Variants in GAB4 observed in about 807,000 individuals in gnomAD.
GAB4 encodes the protein GRB2-associated-binding protein 4.
A neutral mutation model predicts 51.3 loss-of-function variants in GAB4; 26 were observed. That is an observed-to-expected ratio of 0.51 (90% confidence interval 0.37 to 0.70). The LOEUF (loss-of-function observed/expected upper bound fraction) is 0.70, where lower values mean the gene tolerates loss of function less well. Among genes scored for constraint, GAB4 ranks in the 30% least tolerant of loss-of-function variants. The pLI, the probability that GAB4 is intolerant of heterozygous loss-of-function variation, is 0.00. For synonymous variants in GAB4, 329 were observed against 291.2 expected (o/e 1.13, Z -1.32); for missense variants, 759 against 734.6 (o/e 1.03, Z -0.38).
At chr22:16,966,538 C>T (rs1022620628) in intron 5 of GAB4, 174 bp from the exon 6 acceptor site, 5 of 680,174 alleles carry the variant, frequency 7.4e-6, no homozygotes, top group African/African-American at 1.8e-5. Context: ...GATAGAAGTG[C>T]CCCAGCCAGG....
Position 16,962,849 on chromosome 22 carries a change from T to G in GAB4, c.1609A>C (p.Lys537Gln), listed in dbSNP as rs770624257. ...KPSIGSVTSG[K>Q]KVDYVQVDLE... ...TCCACCTGGACATAGTCCACCTTCTTGCCGGACGTGACAGAGCCTATGGAT... is the reference window on the plus strand; with the variant it reads ...TCCACCTGGACATAGTCCACCTTCTGGCCGGACGTGACAGAGCCTATGGAT... Residue 537 changes from lysine to glutamine, a missense_variant, in exon 10 of 10, where the codon AAG becomes CAG. Transcript: ENST00000400588. The G allele has an allele frequency of 6.2e-7, 1 of 1,613,408 alleles. No homozygotes were observed. The highest frequency in any genetic ancestry group is 1.7e-5 in the Admixed American group (1 of 60,002).
chr22:16,970,596 G>A (rs528457312), intron 3 of GAB4, among the ~76,000 whole-genome samples: 14 of 152,168 alleles, frequency 9.2e-5, no homozygotes, highest in Admixed American at 2.0e-4. Flanking sequence ...CCTGCTGTGA[G>A]CATTGCAGAA....
At chr22:16,968,243 T>A in intron 5 of GAB4, 55 bp downstream of exon 5, 1 of 1,186,998 alleles carries the variant, frequency 8.4e-7, no homozygotes, top group East Asian at 2.3e-5. Context: ...TTCCATGGAG[T>A]GTGACCTTTA....
intron 1 of GAB4, among the ~76,000 whole-genome samples, chr22:17,007,448 C>A (rs1235424080): frequency 6.7e-6 from 1 of 149,832 alleles, no homozygotes; most frequent in East Asian, 2.0e-4. Context: ...GAGGTGCCCG[C>A]GTTTTCCTGG....
chr22:16,966,143 G>A lies in GAB4; in HGVS notation c.1245C>T (p.Val415=). Residue 415 remains valine, a synonymous_variant, in exon 6 of 10, where the codon GTC becomes GTT. Coordinates refer to ENST00000400588, the MANE Select transcript of GAB4 (RefSeq NM_001037814.1). ...GGCTGCGGTTGACAGGGGGCAGCTG[G>A]ACCTCATGTCCCTGGCTGAGGTCTT... The part of the protein sequence containing the change: ...MHQDLSQGHE[V]QLPPVNRSLK... The A allele has an allele frequency of 6.2e-7, 1 of 1,614,078 alleles. No individual in the cohort carries two copies. Among genetic ancestry groups the A allele is most frequent in the Non-Finnish European group, 8.5e-7 (1 of 1,180,000 alleles).
intron 3 of GAB4, among the ~76,000 whole-genome samples, chr22:16,975,000 G>A (rs2123668094): frequency 6.6e-6 from 1 of 152,286 alleles, no homozygotes; most frequent in Non-Finnish European, 1.5e-5. Flanking sequence ...TTTTCCTATG[G>A]TCTTCACAAC....
Position 17,008,036 on chromosome 22 carries a change from C to T in GAB4, c.79G>A (p.Gly27Arg), listed in dbSNP as rs751493980. Reference sequence around the variant, plus strand: ...GTGCTTCCGCCGGCGGGGCCACTTCCGGGCCACGAAGACAAAGGCGCAAAT... The same window carrying T: ...GTGCTTCCGCCGGCGGGGCCACTTCTGGGCCACGAAGACAAAGGCGCAAAT... The part of the protein sequence containing the change: ...PAFAPLSSWP[G>R]SGPAGGSTRS... The change falls in exon 1 of 10, where the codon GGA becomes AGA. Residue 27 changes from glycine (G) to arginine (R), a missense_variant. Physicochemically the swap from Gly to Arg is moderately radical, Grantham distance 125. Coordinates refer to ENST00000400588, the MANE Select transcript of GAB4 (RefSeq NM_001037814.1). 1 of 1,608,878 alleles carries T rather than the reference C, an allele frequency of 6.2e-7. No homozygotes were observed. Among genetic ancestry groups the T allele is most frequent in the South Asian group, 1.1e-5 (1 of 89,980 alleles).
chr22:16,972,843 C>CCAGCTTAAA (rs1452974156), intron 3 of GAB4, among the ~76,000 whole-genome samples: 1 of 152,184 alleles, frequency 6.6e-6, no homozygotes, highest in Non-Finnish European at 1.5e-5. Flanking sequence ...TCCTAACCTC[C>CCAGCTTAAA]CAGCTTAAAC....
At position 17,007,994 on chromosome 22, in the gene GAB4, GCACGTGGC is replaced by G; in HGVS notation, c.113_120del (p.Gly38AlafsTer33). 6.2e-7 allele frequency: 1 copy of G among 1,612,788 alleles called. No individual in the cohort carries two copies. The highest frequency in any genetic ancestry group is 8.5e-7 in the Non-Finnish European group (1 of 1,179,628). On this transcript the variant is annotated frameshift_variant, in exon 1 of 10. Coordinates refer to ENST00000400588, the MANE Select transcript of GAB4 (RefSeq NM_001037814.1). LOFTEE classifies it high-confidence loss of function. ...GACTTCCTCAGCCAGCCGCTGTACA[GCACGTGGC>G]CACTTCTCGTGCTTCCGCCGGCGGG...
In GAB4 at chr22:16,968,295, C is replaced by G. The variant is rs887158961; in HGVS notation, c.1023+3G>C. The stretch of plus-strand genomic sequence containing the variant: ...TGGGGACCCCTGGTTAAGCCATACT[C>G]ACCAGGAAAGAACAGACTCCCTCAT... On this transcript the variant is annotated splice_donor_region_variant and intron_variant, in intron 5 of 9. Coordinates refer to ENST00000400588, the MANE Select transcript of GAB4 (RefSeq NM_001037814.1). 1 of 1,609,456 alleles carries G rather than the reference C, an allele frequency of 6.2e-7. No homozygotes were observed. Among genetic ancestry groups the G allele is most frequent in the Middle Eastern group, 1.7e-4 (1 of 6,056 alleles).
chr22:16,962,675 T>G lies in GAB4; in HGVS notation c.*58A>C. On this transcript the variant is annotated 3_prime_UTR_variant, in exon 10 of 10. Transcript: ENST00000400588. ...TCCCTGATATTACAGAGCTTTAGAG[T>G]GTGGCGGAGCAGCTCTGAGGCACTG... The G allele has an allele frequency of 4.7e-6, 7 of 1,501,720 alleles. No individual in the cohort carries two copies. Among genetic ancestry groups the G allele is most frequent in the Non-Finnish European group, 6.3e-6 (7 of 1,103,334 alleles). The allele number at this position is 1,501,720 out of a possible 1,614,324, so 93.0% of individuals were successfully genotyped here.
chr22:16,967,455 G>T (rs1471054206), intron 5 of GAB4: 1 of 152,408 alleles, frequency 6.6e-6, no homozygotes, highest in Admixed American at 6.5e-5. Flanking sequence ...CCTGATCAAG[G>T]CAAGGATCAC....
intron 3 of GAB4, among the ~76,000 whole-genome samples, chr22:16,971,824 G>C (rs1044127235): frequency 6.6e-6 from 1 of 152,200 alleles, no homozygotes; most frequent in Non-Finnish European, 1.5e-5. Flanking sequence ...GGAAGCAGGT[G>C]TGCAGGCCAG....
intron 3 of GAB4, among the ~76,000 whole-genome samples, chr22:16,981,025 G>A (rs1190889212): frequency 1.3e-5 from 2 of 152,074 alleles, no homozygotes; most frequent in African/African-American, 2.4e-5. Flanking sequence ...GGAGATAGGG[G>A]AGGGATAGCA....
intron 1 of GAB4, among the ~76,000 whole-genome samples, chr22:17,003,237 T>G (rs1601293860): frequency 6.6e-6 from 1 of 152,150 alleles, no homozygotes; most frequent in East Asian, 1.9e-4. Context: ...AGTGGGAGAC[T>G]TTAACACCCC....
At chr22:17,003,689 G>C (rs185136412) in intron 1 of GAB4, among the ~76,000 whole-genome samples, 1 of 152,122 alleles carries the variant, frequency 6.6e-6, no homozygotes, top group African/African-American at 2.4e-5. Flanking sequence ...AGTGTTTAGA[G>C]GGAAATGTAT....
At position 16,968,278 on chromosome 22, in the gene GAB4, C is replaced by A. The variant is rs765989364; in HGVS notation, c.1023+20G>T. On this transcript the variant is annotated intron_variant, in intron 5 of 9. Transcript: ENST00000400588. ...ACCTCCCTGAGCCAGTCTGGGGACC[C>A]CTGGTTAAGCCATACTCACCAGGAA... 6.3e-5 allele frequency: 100 copies of A among 1,591,974 alleles called. No homozygotes were observed. Among genetic ancestry groups the A allele is most frequent in the Middle Eastern group, 5.0e-4 (3 of 6,038 alleles).
intron 3 of GAB4, 25 bp from the exon 4 acceptor site, chr22:16,970,218 G>C (rs1235040576): frequency 6.2e-7 from 1 of 1,612,836 alleles, no homozygotes; most frequent in Non-Finnish European, 8.5e-7. Flanking sequence ...GAAGGGAAGG[G>C]GCAGGGGTGA....
intron 3 of GAB4, among the ~76,000 whole-genome samples, chr22:16,981,394 T>G (rs1228499638): frequency 2.0e-5 from 3 of 151,744 alleles, no homozygotes; most frequent in African/African-American, 7.3e-5. Flanking sequence ...TTAGCTAGAT[T>G]AACAAAAAAT....
Sources: allele counts gnomAD v4.1 joint callset (sites outside exome capture counted in the v4.1 genomes callset), GRCh38; gene constraint gnomAD v4.1.1; transcripts MANE v1.5; gene names NCBI Gene and HGNC (gene_info 2026-07-23, HGNC 2026-07-21).